PSD3: variants seen among roughly 807,000 people sequenced by gnomAD.
PSD3 encodes the protein pleckstrin and Sec7 domain containing 3, also known as PH and SEC7 domain-containing protein 3.
Under a neutral mutation model 105.5 loss-of-function variants are expected in PSD3, and 49 were observed. The observed-to-expected ratio is 0.46, with a 90% CI of 0.37 to 0.59. The LOEUF (loss-of-function observed/expected upper bound fraction) is 0.59. PSD3 is among the 20% of genes least tolerant of loss of function. The pLI is 0.00. For synonymous variants in PSD3, 557 were observed against 457.8 expected (o/e 1.22, Z -2.77); for missense variants, 1,561 against 1,263.8 (o/e 1.24, Z -3.57).
chr8:18,865,259 TATATATATATATATATATATATATATA>T (rs1563360235), intron 4 of PSD3: 237 of 6,674 alleles, frequency 0.036, 6 homozygotes, highest in East Asian at 0.052. Context: ...TATATATATA[TATATATATATATATATATATATATATA>T]TTTTTTTTTT....
intron 14 of PSD3, among the ~76,000 whole-genome samples, chr8:18,569,210 GGGT>G (rs1801987589): frequency 7.5e-6 from 1 of 132,804 alleles, no homozygotes. Context: ...ATAGTCCTTT[GGGT>G]ATATACCCAG....
intron 1 of PSD3, among the ~76,000 whole-genome samples, chr8:19,067,788 C>A (rs527734733): frequency 6.6e-6 from 1 of 152,320 alleles, no homozygotes; most frequent in Admixed American, 6.5e-5. Context: ...CCACTGGAGC[C>A]AACTGGGTGA....
rs887517792 is a variant in PSD3, at chr8:18,528,447, C to T, written c.*7296G>A. The T allele has an allele frequency of 2.6e-5, 4 of 152,222 alleles. No homozygotes were observed. Among genetic ancestry groups the T allele is most frequent in the African/African-American group, 4.8e-5 (2 of 41,456 alleles). 9.4% of individuals were successfully genotyped at this position (152,222 alleles called of 1,614,324 possible). ...TTTGTTCATGTGCCACGCTCAGTGA[C>T]TCAGTCACTCTCGGAGTTGATACCT... On this transcript the variant is annotated 3_prime_UTR_variant, in exon 16 of 16. Coordinates refer to ENST00000327040, the MANE Select transcript of PSD3 (RefSeq NM_015310.4).
At chr8:18,827,962 A>G (rs548257764) in intron 4 of PSD3, among the ~76,000 whole-genome samples, 3 of 148,786 alleles carry the variant, frequency 2.0e-5, no homozygotes, top group Non-Finnish European at 4.5e-5. Flanking sequence ...CTAGTATTTC[A>G]CAACACTTAA....
chr8:18,685,916 C>T (rs867642539), intron 9 of PSD3, among the ~76,000 whole-genome samples: 38 of 152,054 alleles, frequency 2.5e-4, no homozygotes, highest in African/African-American at 8.9e-4. Context: ...AGACAGTGCA[C>T]GGGCTTAAAA....
At chr8:19,013,879 G>T (rs903604228), upstream of PSD3, among the ~76,000 whole-genome samples, 75 of 150,570 alleles carry the variant, frequency 5.0e-4, no homozygotes, top group Admixed American at 1.3e-3. Context: ...CCTCGGGGAG[G>T]GGGGAGGTGG....
chr8:18,767,148 A>C (rs1175001324), intron 8 of PSD3, among the ~76,000 whole-genome samples: 1 of 152,242 alleles, frequency 6.6e-6, no homozygotes, highest in African/African-American at 2.4e-5. Flanking sequence ...AGCTGGTTTA[A>C]GGACAATAAA....
At chr8:18,987,136 C>G (rs1825541655) in intron 1 of PSD3, among the ~76,000 whole-genome samples, 1 of 151,932 alleles carries the variant, frequency 6.6e-6, no homozygotes, top group Admixed American at 6.6e-5. Flanking sequence ...CATTTTCACT[C>G]CACCCTTTTG....
At chr8:18,824,562 C>T (rs913990696) in intron 4 of PSD3, among the ~76,000 whole-genome samples, 1 of 152,164 alleles carries the variant, frequency 6.6e-6, no homozygotes, top group African/African-American at 2.4e-5. Context: ...ATGGTTTCTG[C>T]TTCCCAGAAT....
intron 4 of PSD3, among the ~76,000 whole-genome samples, chr8:18,842,317 G>A (rs903497553): frequency 9.2e-5 from 14 of 152,194 alleles, no homozygotes; most frequent in African/African-American, 1.2e-4. Flanking sequence ...ACCCTTTTGC[G>A]CTGTAGAGAC....
intron 8 of PSD3, among the ~76,000 whole-genome samples, chr8:18,779,694 G>T (rs528743042): frequency 1.3e-5 from 2 of 152,190 alleles, no homozygotes; most frequent in East Asian, 3.9e-4. Context: ...CTTAAATCCA[G>T]TGATGGCTCA....
At chr8:18,978,229 G>A (rs111595754) in intron 1 of PSD3, among the ~76,000 whole-genome samples, 9 of 152,348 alleles carry the variant, frequency 5.9e-5, no homozygotes, top group African/African-American at 1.9e-4. Context: ...AACACTGCAC[G>A]TCCACACGCT....
chr8:18,779,294 T>C (rs956147559), intron 8 of PSD3, among the ~76,000 whole-genome samples: 4 of 152,184 alleles, frequency 2.6e-5, no homozygotes, highest in Admixed American at 6.5e-5. Context: ...TAAGTTTTAC[T>C]GTCTCCTTTT....
At chr8:19,076,838 C>T (rs991229167) in intron 1 of PSD3, among the ~76,000 whole-genome samples, 20 of 152,040 alleles carry the variant, frequency 1.3e-4, no homozygotes, top group African/African-American at 4.6e-4. Context: ...GCTACTGGTG[C>T]GACTCTTTGA....
In PSD3 at chr8:18,608,480, T is replaced by C. The variant is rs570026763; in HGVS notation, c.2411-8046A>G. ...AGACCACATTTCTGCAATAGAAAAA[T>C]TGGCAGTTCCTCCAAAGATGGGTGA... On this transcript the variant is annotated intron_variant, in intron 11 of 15. Transcript: ENST00000327040. 7.9e-5 allele frequency among the ~76,000 whole-genome samples: 12 copies of C among 152,272 alleles called. No homozygotes were observed. In the South Asian group the frequency reaches 2.1e-3, roughly 26 times the overall value.
chr8:18,802,921 G>C (rs1810832074), intron 6 of PSD3, among the ~76,000 whole-genome samples: 2 of 152,186 alleles, frequency 1.3e-5, no homozygotes, highest in African/African-American at 4.8e-5. Context: ...CAGTTTTATA[G>C]ATACTTTCTA....
chr8:18,987,947 T>C (rs1354201955), intron 1 of PSD3, among the ~76,000 whole-genome samples: 1 of 152,142 alleles, frequency 6.6e-6, no homozygotes, highest in Non-Finnish European at 1.5e-5. Flanking sequence ...TTTCAACAAA[T>C]ATTTACATAG....
At chr8:18,637,488 C>A (rs536556205) in intron 10 of PSD3, among the ~76,000 whole-genome samples, 1 of 152,296 alleles carries the variant, frequency 6.6e-6, no homozygotes, top group Non-Finnish European at 1.5e-5. Flanking sequence ...TCTCTCCCAT[C>A]GATTCCTGGC....
At chr8:18,789,918 C>T (rs1809538064) in intron 8 of PSD3, among the ~76,000 whole-genome samples, 1 of 152,128 alleles carries the variant, frequency 6.6e-6, no homozygotes, top group African/African-American at 2.4e-5. Flanking sequence ...AAAAAGCTTA[C>T]AGTGATAAGA....
Sources: allele counts gnomAD v4.1 joint callset (sites outside exome capture counted in the v4.1 genomes callset), GRCh38; gene constraint gnomAD v4.1.1; transcripts MANE v1.5; gene names NCBI Gene and HGNC (gene_info 2026-07-23, HGNC 2026-07-21).